Variants in MYH14 observed in about 807,000 individuals in gnomAD.
MYH14 encodes myosin-14.
In MYH14, 123 loss-of-function variants were observed where a neutral mutation model predicts 255.5. The observed-to-expected ratio is 0.48, with a 90% CI of 0.42 to 0.56. The LOEUF (loss-of-function observed/expected upper bound fraction) is 0.56. Ranked by LOEUF, MYH14 falls within the 20% of genes least tolerant of loss-of-function variation. The probability of loss-of-function intolerance (pLI) is 0.00; values close to 1 mark genes in which losing one functional copy is unlikely to be tolerated. For missense variants in MYH14, 2,423 were observed against 2,802.3 expected (o/e 0.86, Z 3.06); for synonymous variants, 1,095 against 1,161.2 (o/e 0.94, Z 1.16).
intron 41 of MYH14, among the ~76,000 whole-genome samples, chr19:50,308,100 G>A (rs1432328758): frequency 6.6e-6 from 1 of 152,192 alleles, no homozygotes; most frequent in African/African-American, 2.4e-5. Context: ...AGAGGATTGG[G>A]GAATCCTCTT....
At chr19:50,281,921 A>G (rs2035739889) in intron 33 of MYH14, 79 bp downstream of exon 33, 1 of 1,489,696 alleles carries the variant, frequency 6.7e-7, no homozygotes, top group Non-Finnish European at 9.2e-7. Flanking sequence ...GGAACCAGTA[A>G]TCCGTGCTGT....
intron 11 of MYH14, among the ~76,000 whole-genome samples, chr19:50,245,434 AAGAAGAAAGAAAG>A (rs1330059929): frequency 0.15 from 18,866 of 124,328 alleles, 2,555 homozygotes; most frequent in African/African-American, 0.18. Context: ...AAAAAAAAAG[AAGAAGAAAGAAAG>A]AAAAAGAAGA....
intron 2 of MYH14, among the ~76,000 whole-genome samples, chr19:50,212,168 T>TG (rs1448748892): frequency 1.3e-5 from 2 of 152,172 alleles, no homozygotes; most frequent in East Asian, 1.9e-4. Flanking sequence ...TAGAATCATT[T>TG]GGGGAATTCT....
Position 50,231,916 on chromosome 19 carries a change from C to T in MYH14, c.974-14C>T. ...GCCCACCTTTGACCTTGACCCCACTCATTGTCCCTGCAGCCGACCTCCTCC... is the reference window on the plus strand; with the variant it reads ...GCCCACCTTTGACCTTGACCCCACTTATTGTCCCTGCAGCCGACCTCCTCC... On this transcript the variant is annotated splice_polypyrimidine_tract_variant and intron_variant, in intron 9 of 42. Transcript: ENST00000642316. 3.1e-6 allele frequency: 5 copies of T among 1,613,790 alleles called. No homozygotes were observed. Among genetic ancestry groups the T allele is most frequent in the Non-Finnish European group, 3.4e-6 (4 of 1,179,806 alleles).
In MYH14 at chr19:50,301,881, C is replaced by T. The variant is rs3826772; in HGVS notation, c.5678+12C>T. On this transcript the variant is annotated intron_variant, in intron 40 of 42. Coordinates refer to ENST00000642316, the MANE Select transcript of MYH14 (RefSeq NM_001145809.2). ...GAGCAAGAGACCAGGTAGGTGAGAG[C>T]GGAGGCCACAGGAGAAAGGTGACCT... 0.84 allele frequency: 1,339,497 copies of T among 1,601,276 alleles called. 562,982 individuals carry two copies. The highest frequency in any genetic ancestry group is 0.86 in the Non-Finnish European group (1,003,377 of 1,173,202).
At chr19:50,251,567 C>CATATATATATATAT in intron 15 of MYH14, among the ~76,000 whole-genome samples, 1 of 118,504 alleles carries the variant, frequency 8.4e-6, no homozygotes, top group African/African-American at 3.2e-5. Flanking sequence ...CACACACACA[C>CATATATATATATAT]ACATATATAT....
intron 17 of MYH14, among the ~76,000 whole-genome samples, chr19:50,256,594 G>A (rs2034600311): frequency 6.6e-6 from 1 of 152,074 alleles, no homozygotes; most frequent in Admixed American, 6.5e-5. Context: ...GGCTGGCCTC[G>A]AACTCCTGAC....
chr19:50,293,717 TCAGTCCC>T lies in MYH14; in HGVS notation c.5469+33_5469+39del. ...GCGTGATTGACCGCCCCCACCAGCC[TCAGTCCC>T]CATTGACCTGGGACCGTAACCTTCA... On this transcript the variant is annotated intron_variant, in intron 39 of 42. Coordinates refer to ENST00000642316, the MANE Select transcript of MYH14 (RefSeq NM_001145809.2). This position sits in a 1 kb window ranked among gnomAD's most constrained non-coding sequence, Gnocchi z 4.1. The T allele has an allele frequency of 6.5e-7, 1 of 1,531,530 alleles. No homozygotes were observed. The allele number at this position is 1,531,530 out of a possible 1,614,324, so 94.9% of individuals were successfully genotyped here.
Position 50,230,470 on chromosome 19 carries a change from C to G in MYH14, c.875-55C>G. The G allele has an allele frequency of 6.7e-7, 1 of 1,487,252 alleles. No individual in the cohort carries two copies. The highest frequency in any genetic ancestry group is 9.2e-7 in the Non-Finnish European group (1 of 1,090,108). The allele number at this position is 1,487,252 out of a possible 1,614,324, so 92.1% of individuals were successfully genotyped here. A position where few individuals can be genotyped will look rare whatever the true frequency, so the allele number is the denominator to read the frequency against. On this transcript the variant is annotated intron_variant, in intron 8 of 42. Coordinates refer to ENST00000642316, the MANE Select transcript of MYH14 (RefSeq NM_001145809.2). The surrounding 1 kb of genome is among the most constrained non-coding windows in gnomAD (Gnocchi z 4.7). The stretch of plus-strand genomic sequence containing the variant: ...GGGCAGGGCAGGCTCCTGTAGTGGC[C>G]TGGCAGCGTCGGGGCCGTCCCTTCC...
chr19:50,262,356 G>A lies in MYH14; in HGVS notation c.2585+721G>A, dbSNP rs1320066661. 3.3e-5 allele frequency among the ~76,000 whole-genome samples: 5 copies of A among 152,012 alleles called. 1 individual carries two copies. Among genetic ancestry groups the A allele is most frequent in the Non-Finnish European group, 5.9e-5 (4 of 68,002 alleles). On this transcript the variant is annotated intron_variant, in intron 21 of 42. Coordinates refer to ENST00000642316, the MANE Select transcript of MYH14 (RefSeq NM_001145809.2). Reference sequence around the variant, plus strand: ...GCGGATCACTTGAGGTCAGGAGTTCGAGACAAGCCTGGCCAACATGGTGAA... The same window carrying A: ...GCGGATCACTTGAGGTCAGGAGTTCAAGACAAGCCTGGCCAACATGGTGAA...
chr19:50,255,413 C>T (rs963526154), intron 17 of MYH14, 95 bp downstream of exon 17: 3 of 907,030 alleles, frequency 3.3e-6, no homozygotes, highest in African/African-American at 3.3e-5. Context: ...TGTCCCCTCT[C>T]CTCTTACTGT....
intron 11 of MYH14, among the ~76,000 whole-genome samples, chr19:50,246,411 C>A (rs948727959): frequency 5.9e-5 from 9 of 152,060 alleles, no homozygotes; most frequent in African/African-American, 1.9e-4. Flanking sequence ...GAAGGGCCTC[C>A]CTGGGATTAC....
At chr19:50,220,130 C>CG (rs2032736493) in intron 3 of MYH14, among the ~76,000 whole-genome samples, 1 of 152,000 alleles carries the variant, frequency 6.6e-6, no homozygotes, top group Non-Finnish European at 1.5e-5. Context: ...CGAAACCCAT[C>CG]GGTGCCGCTC....
rs2036155121 is a variant in MYH14 at position 50,293,427 on chromosome 19, C to T, written c.5345+106C>T. On this transcript the variant is annotated intron_variant, in intron 38 of 42. Coordinates refer to ENST00000642316, the MANE Select transcript of MYH14 (RefSeq NM_001145809.2). The surrounding 1 kb of genome is among the most constrained non-coding windows in gnomAD (Gnocchi z 4.1). ...CTGGGACAGGAAACTGGGAGGTGGG[C>T]GGGGTTAACCTCGGGGCCCCTGGGG... is the stretch of plus-strand genomic sequence containing the variant. The T allele has an allele frequency of 6.0e-6, 9 of 1,511,688 alleles. No individual in the cohort carries two copies. Among genetic ancestry groups the T allele is most frequent in the Admixed American group, 2.0e-5 (1 of 51,154 alleles). The allele number at this position is 1,511,688 out of a possible 1,614,324, so 93.6% of individuals were successfully genotyped here. A position where few individuals can be genotyped will look rare whatever the true frequency, so the allele number is the denominator to read the frequency against.
chr19:50,213,686 C>T (rs2123168573), intron 2 of MYH14, among the ~76,000 whole-genome samples: 1 of 152,290 alleles, frequency 6.6e-6, no homozygotes, highest in Non-Finnish European at 1.5e-5. Context: ...TGACCCCCTC[C>T]CCATCCACAT....
Position 50,266,658 on chromosome 19 carries a change from C to G in MYH14, c.2695-219C>G, listed in dbSNP as rs1459680666. ...AGTGTCTCTTGGATGTGGAAGGATC[C>G]TTTAGCCAGAGAGATTAGATAGATC... is the stretch of plus-strand genomic sequence containing the variant. On this transcript the variant is annotated intron_variant, in intron 22 of 42. Transcript: ENST00000642316. The surrounding 1 kb of genome is among the most constrained non-coding windows in gnomAD (Gnocchi z 4.1). Among the ~76,000 whole-genome samples, 1 of 152,200 alleles carries G rather than the reference C, an allele frequency of 6.6e-6. No homozygotes were observed. The highest frequency in any genetic ancestry group is 6.5e-5 in the Admixed American group (1 of 15,276).
intron 1 of MYH14, among the ~76,000 whole-genome samples, chr19:50,209,738 C>A (rs2032047155): frequency 6.9e-6 from 1 of 145,806 alleles, no homozygotes; most frequent in South Asian, 2.2e-4. Context: ...GAGCCGAGAT[C>A]GTGCCACTGC....
At position 50,280,533 on chromosome 19, in the gene MYH14, C is replaced by G. The variant is rs547491684; in HGVS notation, c.4290+150C>G. On this transcript the variant is annotated intron_variant, in intron 32 of 42. Coordinates refer to ENST00000642316, the MANE Select transcript of MYH14 (RefSeq NM_001145809.2). This position sits in a 1 kb window ranked among gnomAD's most constrained non-coding sequence, Gnocchi z 4.8. The stretch of plus-strand genomic sequence containing the variant: ...TCATCTCTGACTCCCCCTTACCCCC[C>G]ACAGCCCATGCCCAGCCCTGGCTGT... The G allele has an allele frequency of 1.7e-5, 14 of 837,096 alleles. No homozygotes were observed. Among genetic ancestry groups the G allele is most frequent in the South Asian group, 1.5e-4 (8 of 54,148 alleles). 51.9% of individuals were successfully genotyped at this position (837,096 alleles called of 1,614,324 possible).
Position 50,272,690 on chromosome 19 carries a change from G to A in MYH14, c.3426G>A (p.Gln1142=), listed in dbSNP as rs1229273529. ...QQQRAEELRA[Q]LGRKEEELQA... Reference sequence around the variant, plus strand: ...AGCGGGCAGAGGAGCTGCGGGCCCAGCTGGGCCGGAAGGAGGAGGAGCTGC... The same window carrying A: ...AGCGGGCAGAGGAGCTGCGGGCCCAACTGGGCCGGAAGGAGGAGGAGCTGC... The change falls in exon 27 of 43, where the codon CAG becomes CAA. Residue 1142 remains glutamine, a synonymous_variant. Coordinates refer to ENST00000642316, the MANE Select transcript of MYH14 (RefSeq NM_001145809.2). 3.2e-6 allele frequency: 5 copies of A among 1,552,604 alleles called. No individual in the cohort carries two copies. The highest frequency in any genetic ancestry group is 4.4e-6 in the Non-Finnish European group (5 of 1,148,542).
Sources: allele counts gnomAD v4.1 joint callset (sites outside exome capture counted in the v4.1 genomes callset), GRCh38; gene constraint gnomAD v4.1.1; non-coding constraint Gnocchi (gnomAD v3.1); transcripts MANE v1.5; gene names NCBI Gene and HGNC (gene_info 2026-07-23, HGNC 2026-07-21).